TMEM132B: variants seen among roughly 807,000 people sequenced by gnomAD.
TMEM132B encodes transmembrane protein 132B.
Under a neutral mutation model 90.8 loss-of-function variants are expected in TMEM132B, and 18 were observed. That is an observed-to-expected ratio of 0.20 (90% CI 0.14 to 0.29). The LOEUF (loss-of-function observed/expected upper bound fraction) is 0.29, where lower values mean the gene tolerates loss of function less well. TMEM132B is among the 10% of genes least tolerant of loss of function. The pLI is 1.00. For synonymous variants in TMEM132B, 504 were observed against 523.3 expected (o/e 0.96, Z 0.50); for missense variants, 1,096 against 1,326.8 (o/e 0.83, Z 2.70).
intron 1 of TMEM132B, among the ~76,000 whole-genome samples, chr12:125,206,085 A>T (rs966808891): frequency 6.6e-6 from 1 of 151,882 alleles, no homozygotes; most frequent in Non-Finnish European, 1.5e-5. Flanking sequence ...GGACTGCCCG[A>T]CCCCACAGCT....
rs1206261517 is a variant in TMEM132B, at chr12:125,659,435, G to A, written c.*4725G>A. ...GTCTTGTATATGTATCTGGGGCAGG[G>A]GCTTTGTACTGGGCCCAGGGTGCTG... On this transcript the variant is annotated 3_prime_UTR_variant, in exon 9 of 9. Transcript: ENST00000682704. 6.6e-6 allele frequency: 1 copy of A among 152,302 alleles called. No individual in the cohort carries two copies. The highest frequency in any genetic ancestry group is 1.5e-5 in the Non-Finnish European group (1 of 68,158). 9.4% of individuals were successfully genotyped at this position (152,302 alleles called of 1,614,324 possible).
chr12:125,448,519 A>G (rs1881064005), intron 3 of TMEM132B, among the ~76,000 whole-genome samples: 1 of 152,192 alleles, frequency 6.6e-6, no homozygotes, highest in African/African-American at 2.4e-5. Flanking sequence ...TTTATCCATG[A>G]TGCTGTGTAT....
At chr12:125,331,970 G>C (rs894275653) in intron 1 of TMEM132B, among the ~76,000 whole-genome samples, 1 of 151,930 alleles carries the variant, frequency 6.6e-6, no homozygotes, top group Non-Finnish European at 1.5e-5. Flanking sequence ...TGTTGCCCAG[G>C]CTTCTCTTTA....
chr12:125,550,913 A>G (rs778543650), intron 4 of TMEM132B, among the ~76,000 whole-genome samples: 3 of 152,148 alleles, frequency 2.0e-5, no homozygotes, highest in Non-Finnish European at 4.4e-5. Flanking sequence ...CCCAGGTTCA[A>G]GTGATTCTCC....
At chr12:125,395,702 C>G (rs151158022) in intron 2 of TMEM132B, among the ~76,000 whole-genome samples, 131 of 152,306 alleles carry the variant, frequency 8.6e-4, no homozygotes, top group Non-Finnish European at 1.7e-3. Flanking sequence ...ACACCCAACT[C>G]AAAGTGGCTT....
chr12:125,399,967 G>C (rs1309538740), intron 2 of TMEM132B, among the ~76,000 whole-genome samples: 2 of 152,178 alleles, frequency 1.3e-5, no homozygotes, highest in African/African-American at 4.8e-5. Flanking sequence ...ACCTACTGCT[G>C]TTTTCACACT....
Position 125,407,719 on chromosome 12 carries a change from C to T in TMEM132B, c.960-7812C>T, listed in dbSNP as rs527724352. The stretch of plus-strand genomic sequence containing the variant: ...TCTTGTCGCTCAGAACCAAAGGGAC[C>T]GCGGACACCTGGTGGAGGTCTGGGG... On this transcript the variant is annotated intron_variant, in intron 2 of 8. Coordinates refer to ENST00000682704, the MANE Select transcript of TMEM132B (RefSeq NM_001366854.1). The surrounding 1 kb of genome is among the most constrained non-coding windows in gnomAD (Gnocchi z 6.7). 3.9e-5 allele frequency among the ~76,000 whole-genome samples: 6 copies of T among 152,222 alleles called. No individual in the cohort carries two copies. The highest frequency in any genetic ancestry group is 2.1e-4 in the South Asian group (1 of 4,812).
At chr12:125,633,747 C>T (rs1219019504) in intron 5 of TMEM132B, among the ~76,000 whole-genome samples, 2 of 152,212 alleles carry the variant, frequency 1.3e-5, no homozygotes, top group African/African-American at 4.8e-5. Flanking sequence ...GATTCTTATT[C>T]TCTTCCCTTA....
At chr12:125,318,033 C>T (rs112899774) in intron 1 of TMEM132B, among the ~76,000 whole-genome samples, 58 of 152,204 alleles carry the variant, frequency 3.8e-4, no homozygotes, top group African/African-American at 1.2e-3. Context: ...GAGTGGGTTA[C>T]GGCGATGTAT....
At chr12:125,300,047 G>A (rs920425341) in intron 1 of TMEM132B, among the ~76,000 whole-genome samples, 44 of 152,312 alleles carry the variant, frequency 2.9e-4, no homozygotes, top group Middle Eastern at 3.4e-3. Context: ...GGGCCGCCAC[G>A]GGGGCTTTGC....
chr12:125,611,750 C>T (rs1885832837), intron 5 of TMEM132B, among the ~76,000 whole-genome samples: 1 of 152,002 alleles, frequency 6.6e-6, no homozygotes, highest in Admixed American at 6.6e-5. Flanking sequence ...TGATTTAAGT[C>T]TATCATGATC....
At chr12:125,452,120 C>T (rs1385490960) in intron 3 of TMEM132B, among the ~76,000 whole-genome samples, 1 of 152,186 alleles carries the variant, frequency 6.6e-6, no homozygotes, top group Non-Finnish European at 1.5e-5. Context: ...AGAAAAGAGG[C>T]CCCCAGTTCT....
chr12:125,349,566 C>A lies in TMEM132B; in HGVS notation c.182C>A (p.Ala61Asp). ...NAEESFFLKE[A>D]NQDLTRNSSL... ...GAGGAGTCCTTTTTCCTTAAAGAAG[C>A]CAACCAAGACCTCACAAGGAACTCC... Residue 61 changes from alanine (A) to aspartate (D), a missense_variant, in exon 2 of 9, where the codon GCC (alanine) becomes GAC (aspartate). Transcript: ENST00000682704. The surrounding 1 kb of genome is among the most constrained non-coding windows in gnomAD (Gnocchi z 4.1). 1 of 1,614,134 alleles carries A rather than the reference C, an allele frequency of 6.2e-7. No homozygotes were observed. Among genetic ancestry groups the A allele is most frequent in the South Asian group, 1.1e-5 (1 of 91,076 alleles).
chr12:125,244,337 C>T (rs1378755867), intron 1 of TMEM132B, among the ~76,000 whole-genome samples: 1 of 152,152 alleles, frequency 6.6e-6, no homozygotes, highest in Non-Finnish European at 1.5e-5. Flanking sequence ...TGGGGAGGCT[C>T]AGTGCTTCTG....
rs188227541 is a variant in TMEM132B, at chr12:125,599,785, A to G, written c.1437+15791A>G. 7.9e-5 allele frequency among the ~76,000 whole-genome samples: 12 copies of G among 152,286 alleles called. No individual in the cohort carries two copies. In the East Asian group the frequency reaches 2.1e-3, roughly 27 times the overall value. ...TCTGAGTTACCTGGGCCTTTTTTTC[A>G]GAATTCAGCTGTGGAAGGGAAGTAA... On this transcript the variant is annotated intron_variant, in intron 5 of 8. Coordinates refer to ENST00000682704, the MANE Select transcript of TMEM132B (RefSeq NM_001366854.1).
intron 4 of TMEM132B, among the ~76,000 whole-genome samples, chr12:125,552,279 A>G (rs1884247378): frequency 6.6e-6 from 1 of 152,206 alleles, no homozygotes; most frequent in Non-Finnish European, 1.5e-5. Flanking sequence ...AAAGAGAACC[A>G]AGCTTGTGTT....
At chr12:125,298,108 CAG>C (rs1446896897) in intron 1 of TMEM132B, among the ~76,000 whole-genome samples, 2 of 152,070 alleles carry the variant, frequency 1.3e-5, no homozygotes, top group Non-Finnish European at 2.9e-5. Context: ...AGTTAAAAAT[CAG>C]TTGGGCAAGG....
intron 1 of TMEM132B, among the ~76,000 whole-genome samples, chr12:125,249,174 G>T (rs12814648): frequency 0.23 from 35,553 of 152,060 alleles, 5,274 homozygotes; most frequent in East Asian, 0.4. Context: ...ACAGCTCAGA[G>T]GCTTAAATTA....
chr12:125,638,398 A>G (rs1886541977), intron 5 of TMEM132B, among the ~76,000 whole-genome samples: 1 of 152,226 alleles, frequency 6.6e-6, no homozygotes, highest in African/African-American at 2.4e-5. Flanking sequence ...TAAAAACTCA[A>G]GGTAAAAGGA....
Sources: allele counts gnomAD v4.1 joint callset (sites outside exome capture counted in the v4.1 genomes callset), GRCh38; gene constraint gnomAD v4.1.1; non-coding constraint Gnocchi (gnomAD v3.1); transcripts MANE v1.5; gene names NCBI Gene and HGNC (gene_info 2026-07-23, HGNC 2026-07-21).